PDE4D: variants seen among roughly 807,000 people sequenced by gnomAD.
PDE4D encodes the protein 3',5'-cyclic-AMP phosphodiesterase 4D.
In PDE4D, 24 loss-of-function variants were observed where a neutral mutation model predicts 87.4. The observed-to-expected ratio is 0.27, with a 90% CI of 0.20 to 0.39. The LOEUF (loss-of-function observed/expected upper bound fraction) is 0.39, where lower values mean the gene tolerates loss of function less well. Among genes scored for constraint, PDE4D ranks in the 10% least tolerant of loss-of-function variants. The pLI, the probability that PDE4D is intolerant of heterozygous loss-of-function variation, is 1.00. For missense variants in PDE4D, 714 were observed against 1,041.0 expected (o/e 0.69, Z 4.32); for synonymous variants, 384 against 383.2 (o/e 1.00, Z -0.02).
chr5:59,052,735 C>G (rs1181985362), intron 5 of PDE4D, among the ~76,000 whole-genome samples: 1 of 152,134 alleles, frequency 6.6e-6, no homozygotes, highest in Non-Finnish European at 1.5e-5. Context: ...TAAAATAGGG[C>G]TAAAAATACA....
intron 1 of PDE4D, among the ~76,000 whole-genome samples, chr5:59,632,842 C>A (rs1352412448): frequency 6.6e-6 from 1 of 152,192 alleles, no homozygotes; most frequent in African/African-American, 2.4e-5. Context: ...CGAAGGATCA[C>A]AACTCCTCGC....
At chr5:59,669,755 T>C (rs1019295775) in intron 1 of PDE4D, among the ~76,000 whole-genome samples, 6 of 152,184 alleles carry the variant, frequency 3.9e-5, no homozygotes, top group African/African-American at 1.4e-4. Context: ...TTCTATTTTT[T>C]ACTTTTTGCA....
chr5:59,642,601 G>A (rs1019242235), intron 1 of PDE4D, among the ~76,000 whole-genome samples: 1 of 152,132 alleles, frequency 6.6e-6, no homozygotes, highest in Non-Finnish European at 1.5e-5. Flanking sequence ...CCGCCACCAT[G>A]TAAGAAGTGT....
At chr5:59,771,671 C>T (rs1272368343) in intron 1 of PDE4D, among the ~76,000 whole-genome samples, 1 of 152,182 alleles carries the variant, frequency 6.6e-6, no homozygotes, top group Non-Finnish European at 1.5e-5. Flanking sequence ...TATTTACATG[C>T]TGATCTTCTC....
intron 1 of PDE4D, among the ~76,000 whole-genome samples, chr5:60,409,205 C>T (rs759053452): frequency 1.3e-5 from 2 of 152,082 alleles, no homozygotes; most frequent in African/African-American, 4.8e-5. Context: ...CCAGGAAAAT[C>T]GAGGTGGCAG....
chr5:59,863,045 G>T (rs1302318018), intron 1 of PDE4D, among the ~76,000 whole-genome samples: 2 of 152,130 alleles, frequency 1.3e-5, no homozygotes, highest in African/African-American at 2.4e-5. Context: ...GTTCTTAAGG[G>T]ATCCATGACC....
intron 3 of PDE4D, among the ~76,000 whole-genome samples, chr5:59,943,536 T>A (rs1757405587): frequency 6.6e-6 from 1 of 152,222 alleles, no homozygotes; most frequent in South Asian, 2.1e-4. Context: ...TAGTTTAGGT[T>A]TCAATCCTCA....
intron 1 of PDE4D, among the ~76,000 whole-genome samples, chr5:60,350,864 T>C (rs1759123429): frequency 6.6e-6 from 1 of 152,032 alleles, no homozygotes; most frequent in South Asian, 2.1e-4. Flanking sequence ...CCCTACTCTG[T>C]TTCCTCCTCT....
chr5:59,980,367 C>G (rs1300597653), intron 3 of PDE4D, among the ~76,000 whole-genome samples: 1 of 152,222 alleles, frequency 6.6e-6, no homozygotes, highest in African/African-American at 2.4e-5. Flanking sequence ...TGCCCTAGCA[C>G]TTTTCACGGT....
At chr5:59,534,820 A>G (rs1463777430) in intron 1 of PDE4D, among the ~76,000 whole-genome samples, 1 of 152,186 alleles carries the variant, frequency 6.6e-6, no homozygotes, top group East Asian at 1.9e-4. Flanking sequence ...TTGTCAGGAA[A>G]TTCTGGCAAT....
intron 5 of PDE4D, among the ~76,000 whole-genome samples, chr5:59,065,266 T>C (rs1470741757): frequency 6.6e-6 from 1 of 152,068 alleles, no homozygotes; most frequent in Non-Finnish European, 1.5e-5. Flanking sequence ...CACTTACATG[T>C]ATAATCCAAA....
intron 1 of PDE4D, chr5:60,430,407 C>T: frequency 2.9e-6 from 1 of 341,804 alleles, no homozygotes; most frequent in South Asian, 2.5e-5. Context: ...TGCTTCTTTC[C>T]CTGAGGGCCT....
intron 1 of PDE4D, among the ~76,000 whole-genome samples, chr5:60,459,054 G>T (rs1309259687): frequency 1.3e-5 from 2 of 151,934 alleles, no homozygotes; most frequent in African/African-American, 4.8e-5. Context: ...AAAGCAACTT[G>T]TACTTTTCAC....
intron 1 of PDE4D, among the ~76,000 whole-genome samples, chr5:60,395,757 GAA>G: frequency 7.6e-6 from 1 of 130,746 alleles, no homozygotes; most frequent in Admixed American, 7.8e-5. Flanking sequence ...CAAGATAGAA[GAA>G]AAAAAAAAAA....
chr5:60,261,711 G>T (rs898498681), intron 1 of PDE4D, among the ~76,000 whole-genome samples: 1 of 152,068 alleles, frequency 6.6e-6, no homozygotes, highest in African/African-American at 2.4e-5. Flanking sequence ...AAATCAATTT[G>T]CATTGATCGG....
chr5:58,976,249 G>T, intron 13 of PDE4D, 101 bp downstream of exon 13: 1 of 1,261,706 alleles, frequency 7.9e-7, no homozygotes, highest in Non-Finnish European at 1.1e-6. Context: ...AAAGTATAAG[G>T]TGGGAGAAGG....
At chr5:60,271,508 A>G (rs1444158052) in intron 1 of PDE4D, among the ~76,000 whole-genome samples, 1 of 152,206 alleles carries the variant, frequency 6.6e-6, no homozygotes, top group Non-Finnish European at 1.5e-5. Flanking sequence ...TTTCTTTCAC[A>G]GTCCCATAAT....
intron 1 of PDE4D, among the ~76,000 whole-genome samples, chr5:59,851,952 C>T (rs755901554): frequency 2.0e-5 from 3 of 152,024 alleles, no homozygotes; most frequent in Non-Finnish European, 4.4e-5. Context: ...TACCCTTTGC[C>T]CACACTTCTG....
chr5:60,195,005 C>A (rs1741042501), intron 1 of PDE4D, among the ~76,000 whole-genome samples: 1 of 151,616 alleles, frequency 6.6e-6, no homozygotes, highest in Admixed American at 6.6e-5. Context: ...TATAGGGAAC[C>A]ACTTGTAATT....
Sources: gnomAD v4.1 joint callset for allele counts (sites outside exome capture counted in the v4.1 genomes callset) on GRCh38, gnomAD v4.1.1 for gene constraint, MANE v1.5 for transcripts, NCBI Gene and HGNC (gene_info 2026-07-23, HGNC 2026-07-21) for gene names.